Variants in R3HCC1L observed in about 807,000 individuals in gnomAD.
R3HCC1L encodes the protein coiled-coil domain-containing protein R3HCC1L.
A neutral mutation model predicts 59.9 loss-of-function variants in R3HCC1L; 51 were observed. That is an observed-to-expected ratio of 0.85 (90% confidence interval 0.68 to 1.07). The LOEUF is 1.07. Among genes scored for constraint, R3HCC1L ranks in the 50% least tolerant of loss-of-function variants. The pLI is 0.00. For missense variants in R3HCC1L, 965 were observed against 933.0 expected (o/e 1.03, Z -0.45); for synonymous variants, 322 against 315.2 (o/e 1.02, Z -0.23).
intron 1 of R3HCC1L, among the ~76,000 whole-genome samples, chr10:98,151,486 G>A (rs968341517): frequency 3.3e-5 from 5 of 152,220 alleles, no homozygotes; most frequent in South Asian, 2.1e-4. Context: ...TACCACCACC[G>A]CAACTACTAT....
intron 4 of R3HCC1L, among the ~76,000 whole-genome samples, chr10:98,169,580 A>G (rs780966144): frequency 6.6e-6 from 1 of 152,208 alleles, no homozygotes; most frequent in African/African-American, 2.4e-5. Flanking sequence ...CTAAACTGTA[A>G]TGAAACAGAA....
chr10:98,236,986 G>A (rs183235134), intron 9 of R3HCC1L, among the ~76,000 whole-genome samples: 1 of 152,240 alleles, frequency 6.6e-6, no homozygotes, highest in East Asian at 1.9e-4. Flanking sequence ...TAAACGAATT[G>A]AAGTTTCAAA....
intron 9 of R3HCC1L, among the ~76,000 whole-genome samples, chr10:98,238,511 C>T (rs1857192722): frequency 6.6e-6 from 1 of 152,126 alleles, no homozygotes; most frequent in Non-Finnish European, 1.5e-5. Flanking sequence ...GAAGGAAACT[C>T]CATCATAACT....
intron 4 of R3HCC1L, among the ~76,000 whole-genome samples, chr10:98,172,318 C>G (rs1406816982): frequency 6.6e-6 from 1 of 152,158 alleles, no homozygotes; most frequent in East Asian, 1.9e-4. Flanking sequence ...CCCAGCTATT[C>G]CCTTTGGGCT....
intron 1 of R3HCC1L, among the ~76,000 whole-genome samples, chr10:98,149,221 C>G (rs1180191037): frequency 6.6e-6 from 1 of 151,958 alleles, no homozygotes; most frequent in Non-Finnish European, 1.5e-5. Flanking sequence ...CTTGTTTTGT[C>G]TCCTTTTCAT....
chr10:98,233,991 C>G (rs979976292), intron 6 of R3HCC1L, among the ~76,000 whole-genome samples: 1 of 152,074 alleles, frequency 6.6e-6, no homozygotes, highest in African/African-American at 2.4e-5. Context: ...CTACCCCATT[C>G]TCTTCTCTTT....
rs1564701934 is a variant in R3HCC1L, at chr10:98,209,641, G to A, written c.1527G>A (p.Leu509=). 2 of 1,613,964 alleles carry A rather than the reference G, an allele frequency of 1.2e-6. No homozygotes were observed. Among genetic ancestry groups the A allele is most frequent in the Non-Finnish European group, 1.7e-6 (2 of 1,179,948 alleles). The change falls in exon 5 of 10, where the codon CTG becomes CTA. Residue 509 remains leucine, a synonymous_variant. Coordinates refer to ENST00000298999, the MANE Select transcript of R3HCC1L (RefSeq NM_001351015.2). ...CAGACAGTGCCGTGGGCATTGACCT[G>A]GGTAGTACTGGTGATACAACAGAAG... ...VLSDSAVGID[L]GSTGDTTEAL... is the part of the protein sequence containing the mutation.
chr10:98,161,666 A>T (rs1460853911), intron 2 of R3HCC1L, among the ~76,000 whole-genome samples: 1 of 152,184 alleles, frequency 6.6e-6, no homozygotes, highest in Non-Finnish European at 1.5e-5. Context: ...TTCTTTAAAA[A>T]TGAATAAAAA....
Position 98,209,273 on chromosome 10 carries a change from G to T in R3HCC1L, c.1159G>T (p.Asp387Tyr). The change falls in exon 5 of 10, where the codon GAT becomes TAT. Residue 387 changes from aspartate to tyrosine, a missense_variant. Coordinates refer to ENST00000298999, the MANE Select transcript of R3HCC1L (RefSeq NM_001351015.2). ...MMDTTGMSCS[D>Y]HVTVDSPYVV... ...GGACACTACAGGTATGTCCTGTAGT[G>T]ATCATGTAACTGTTGATAGCCCTTA... The T allele has an allele frequency of 6.2e-7, 1 of 1,613,918 alleles. No homozygotes were observed.
intron 1 of R3HCC1L, among the ~76,000 whole-genome samples, chr10:98,155,320 C>T (rs977525763): frequency 2.6e-5 from 4 of 152,080 alleles, no homozygotes; most frequent in South Asian, 4.1e-4. Context: ...ATTACAATTC[C>T]TGAATCTTTA....
Position 98,236,168 on chromosome 10 carries a change from A to T in R3HCC1L, c.2269+4A>T. On this transcript the variant is annotated splice_donor_region_variant and intron_variant, in intron 9 of 9. Coordinates refer to ENST00000298999, the MANE Select transcript of R3HCC1L (RefSeq NM_001351015.2). ...AAGAAACTGCAAGAAGCCAGAGGTG[A>T]GCTGAAAGGGTGGTGTTCTTCTCTA... 6.2e-7 allele frequency: 1 copy of T among 1,613,558 alleles called. No individual in the cohort carries two copies. The highest frequency in any genetic ancestry group is 1.7e-5 in the Admixed American group (1 of 59,918).
intron 1 of R3HCC1L, among the ~76,000 whole-genome samples, chr10:98,139,375 T>G (rs1844907995): frequency 6.6e-6 from 1 of 152,238 alleles, no homozygotes; most frequent in Non-Finnish European, 1.5e-5. Flanking sequence ...CCCAGTAACC[T>G]AAGCTTATAA....
At chr10:98,189,695 T>G (rs1259058826) in intron 4 of R3HCC1L, among the ~76,000 whole-genome samples, 1 of 152,228 alleles carries the variant, frequency 6.6e-6, no homozygotes, top group Non-Finnish European at 1.5e-5. Flanking sequence ...ATCATTGTAT[T>G]ATAATAACTA....
intron 4 of R3HCC1L, among the ~76,000 whole-genome samples, chr10:98,167,360 G>A (rs1848054334): frequency 6.6e-6 from 1 of 152,070 alleles, no homozygotes; most frequent in Admixed American, 6.6e-5. Flanking sequence ...CTTGCTTTTG[G>A]TTTCTCAGTT....
intron 1 of R3HCC1L, among the ~76,000 whole-genome samples, chr10:98,135,499 G>T (rs949194881): frequency 5.9e-5 from 9 of 152,200 alleles, no homozygotes; most frequent in Non-Finnish European, 1.2e-4. Flanking sequence ...TATGTTTCGG[G>T]TATAACCTTG....
In R3HCC1L at chr10:98,236,233, A is replaced by G; in HGVS notation, c.2269+69A>G. ...CACTGTAAGGCATGTGTTTAAAAAA[A>G]AATGAATGAAGCCCATTCCATTTTT... On this transcript the variant is annotated intron_variant, in intron 9 of 9. Transcript: ENST00000298999. 4.5e-6 allele frequency: 7 copies of G among 1,556,452 alleles called. 1 individual carries two copies. In the South Asian group the frequency reaches 8.5e-5, roughly 19 times the overall value.
intron 4 of R3HCC1L, among the ~76,000 whole-genome samples, chr10:98,205,245 A>C (rs1852509716): frequency 6.6e-6 from 1 of 152,192 alleles, no homozygotes; most frequent in Non-Finnish European, 1.5e-5. Flanking sequence ...CCTCTGGTTG[A>C]AATAATAGAA....
chr10:98,140,235 G>T (rs1009417296), intron 1 of R3HCC1L, among the ~76,000 whole-genome samples: 4 of 152,148 alleles, frequency 2.6e-5, no homozygotes, highest in African/African-American at 4.8e-5. Flanking sequence ...TTCTCAAATT[G>T]TATGCCAGTC....
At chr10:98,231,988 T>A (rs1330634606) in intron 6 of R3HCC1L, among the ~76,000 whole-genome samples, 1 of 152,198 alleles carries the variant, frequency 6.6e-6, no homozygotes. Flanking sequence ...TATATTTGGA[T>A]GTATTGTCAG....
Sources: gnomAD v4.1 joint callset for allele counts (sites outside exome capture counted in the v4.1 genomes callset) on GRCh38, gnomAD v4.1.1 for gene constraint, MANE v1.5 for transcripts, NCBI Gene and HGNC (gene_info 2026-07-23, HGNC 2026-07-21) for gene names.